Variants in ITGB5 observed in about 807,000 individuals in gnomAD.
The protein encoded by ITGB5 is integrin beta-5.
A neutral mutation model predicts 84.8 loss-of-function variants in ITGB5; 38 were observed. That is an observed-to-expected ratio of 0.45 (90% CI 0.35 to 0.59). The LOEUF (loss-of-function observed/expected upper bound fraction) is 0.59. ITGB5 is among the 20% of genes least tolerant of loss of function. ITGB5 has a pLI of 0.01. For synonymous variants in ITGB5, 393 were observed against 414.4 expected (o/e 0.95, Z 0.63); for missense variants, 905 against 1,034.5 (o/e 0.87, Z 1.72).
At position 124,789,001 on chromosome 3, in the gene ITGB5, C is replaced by T. The variant is rs900919356; in HGVS notation, c.1693+7387G>A. On this transcript the variant is annotated intron_variant, in intron 10 of 14. Transcript: ENST00000296181. ...TTGAGCCCAGGAGTTCAAGACCAGC[C>T]TGGGAAACATAGGGAGACCCTGTCT... Among the ~76,000 whole-genome samples, 4 of 152,234 alleles carry T rather than the reference C, an allele frequency of 2.6e-5. No individual in the cohort carries two copies. In the South Asian group the frequency reaches 8.3e-4, roughly 32 times the overall value.
At chr3:124,863,335 A>G (rs536520871) in intron 2 of ITGB5, 5 of 152,300 alleles carry the variant, frequency 3.3e-5, no homozygotes, top group African/African-American at 7.2e-5. Flanking sequence ...AGTCCAAACA[A>G]TTGCTGTGAC....
intron 12 of ITGB5, among the ~76,000 whole-genome samples, chr3:124,766,995 C>T (rs2063777009): frequency 6.6e-6 from 1 of 152,246 alleles, no homozygotes; most frequent in Non-Finnish European, 1.5e-5. Flanking sequence ...CTCAAGCTGC[C>T]TCAGCAACTC....
intron 3 of ITGB5, among the ~76,000 whole-genome samples, chr3:124,856,689 T>C (rs1261390466): frequency 6.6e-6 from 1 of 152,240 alleles, no homozygotes; most frequent in Non-Finnish European, 1.5e-5. Flanking sequence ...ATTGCTATAC[T>C]GTTACTATGA....
chr3:124,860,611 G>A (rs1314743400), intron 2 of ITGB5, among the ~76,000 whole-genome samples: 5 of 152,130 alleles, frequency 3.3e-5, no homozygotes, highest in Non-Finnish European at 5.9e-5. Flanking sequence ...GGTCATTTCC[G>A]GCAAAGGGGT....
At chr3:124,867,503 ACTGATCCCT>A (rs1359395950) in intron 2 of ITGB5, among the ~76,000 whole-genome samples, 1 of 152,208 alleles carries the variant, frequency 6.6e-6, no homozygotes, top group Non-Finnish European at 1.5e-5. Context: ...CACAGGGAGC[ACTGATCCCT>A]CAGCCTTGCC....
chr3:124,821,842 C>A (rs1339132849), intron 5 of ITGB5, among the ~76,000 whole-genome samples: 3 of 152,134 alleles, frequency 2.0e-5, no homozygotes, highest in Non-Finnish European at 4.4e-5. Context: ...TCTTCCTTCC[C>A]CAGAACAACT....
chr3:124,883,251 C>T (rs1187624132), intron 1 of ITGB5, among the ~76,000 whole-genome samples: 2 of 152,206 alleles, frequency 1.3e-5, no homozygotes, highest in Admixed American at 1.3e-4. Flanking sequence ...CCAGGCCACG[C>T]AGGCACAAAA....
At chr3:124,773,609 G>T in intron 11 of ITGB5, 81 bp downstream of exon 11, 1 of 1,340,392 alleles carries the variant, frequency 7.5e-7, no homozygotes, top group Non-Finnish European at 1.1e-6. Flanking sequence ...GTGGAGGCTA[G>T]CCGGCCCTGA....
chr3:124,873,923 T>A (rs1336922540), intron 1 of ITGB5, among the ~76,000 whole-genome samples: 2 of 151,992 alleles, frequency 1.3e-5, no homozygotes, highest in African/African-American at 4.8e-5. Context: ...AAGAATTTTT[T>A]TAAAAAAATA....
At chr3:124,865,121 T>C (rs1274369975) in intron 2 of ITGB5, among the ~76,000 whole-genome samples, 3 of 152,176 alleles carry the variant, frequency 2.0e-5, no homozygotes, top group African/African-American at 7.2e-5. Context: ...CAGCATTTCT[T>C]TGCTGCCCCA....
chr3:124,860,157 G>C (rs2065276112), intron 2 of ITGB5, among the ~76,000 whole-genome samples: 2 of 152,084 alleles, frequency 1.3e-5, no homozygotes, highest in African/African-American at 4.8e-5. Context: ...CATCTAAAGA[G>C]AAAGGAGAAA....
rs140400199 is a variant in ITGB5 at position 124,871,119 on chromosome 3, G to A, written c.156+2327C>T. ...TTGCCCAGACCGGTCTTGAACTTCT[G>A]AGCTCAAGCAATCCACTCACCTCAG... On this transcript the variant is annotated intron_variant, in intron 2 of 14. Coordinates refer to ENST00000296181, the MANE Select transcript of ITGB5 (RefSeq NM_002213.5). Among the ~76,000 whole-genome samples the A allele has an allele frequency of 3.0e-4, 45 of 152,146 alleles. 1 individual carries two copies. In the East Asian group the frequency reaches 8.3e-3, roughly 28 times the overall value.
At chr3:124,874,305 G>A (rs1559982114) in intron 1 of ITGB5, among the ~76,000 whole-genome samples, 5 of 44,334 alleles carry the variant, frequency 1.1e-4, no homozygotes, top group African/African-American at 1.6e-4. Flanking sequence ...CTCAAAAGCC[G>A]GAAAAAAAAA....
intron 1 of ITGB5, among the ~76,000 whole-genome samples, chr3:124,877,866 CAG>C (rs1449654916): frequency 4.6e-5 from 7 of 151,684 alleles, no homozygotes; most frequent in Non-Finnish European, 1.0e-4. Context: ...TTTTTTTAGA[CAG>C]AGTCTTGCTT....
At chr3:124,838,403 T>C (rs2064965878) in intron 5 of ITGB5, among the ~76,000 whole-genome samples, 1 of 152,206 alleles carries the variant, frequency 6.6e-6, no homozygotes, top group African/African-American at 2.4e-5. Context: ...AACAGAAGTA[T>C]ACTGTCCATA....
intron 1 of ITGB5, among the ~76,000 whole-genome samples, chr3:124,896,200 T>G (rs1418729775): frequency 3.3e-5 from 5 of 152,200 alleles, no homozygotes; most frequent in Non-Finnish European, 7.3e-5. Context: ...GAGGCCTCCA[T>G]CAGCTTCCTA....
At chr3:124,887,773 G>A (rs373679199), upstream of ITGB5, 294 of 413,506 alleles carry the variant, frequency 7.1e-4, 2 homozygotes, top group African/African-American at 5.1e-3. Context: ...TGCCGGTACC[G>A]CCTCATCCTC....
At chr3:124,856,074 C>T (rs1240149354) in intron 3 of ITGB5, among the ~76,000 whole-genome samples, 1 of 152,010 alleles carries the variant, frequency 6.6e-6, no homozygotes, top group Non-Finnish European at 1.5e-5. Context: ...CCCATAGCAA[C>T]GGGGTCTCAC....
At chr3:124,764,679 CT>C in intron 13 of ITGB5, 122 bp from the exon 14 acceptor site, 1 of 887,506 alleles carries the variant, frequency 1.1e-6, no homozygotes, top group Non-Finnish European at 1.7e-6. Context: ...TCGGCTCTCC[CT>C]TAGATCCTCA....
Sources: allele counts gnomAD v4.1 joint callset (sites outside exome capture counted in the v4.1 genomes callset), GRCh38; gene constraint gnomAD v4.1.1; transcripts MANE v1.5; gene names NCBI Gene and HGNC (gene_info 2026-07-23, HGNC 2026-07-21).